KIRREL3: variants seen among roughly 807,000 people sequenced by gnomAD.
KIRREL3 encodes kin of IRRE-like protein 3.
In KIRREL3, 36 loss-of-function variants were observed where a neutral mutation model predicts 89.7. The ratio of observed to expected loss-of-function variants is 0.40; its 90% CI spans 0.31 to 0.53. KIRREL3 has a LOEUF of 0.53. KIRREL3 is among the 20% of genes least tolerant of loss of function. The probability of loss-of-function intolerance (pLI) is 0.49; values close to 1 mark genes in which losing one functional copy is unlikely to be tolerated. For missense variants in KIRREL3, 864 were observed against 1,056.6 expected, an observed-to-expected ratio of 0.82 and a Z score of 2.53; for synonymous variants, 445 against 441.4, an observed-to-expected ratio of 1.01 and a Z score of -0.10.
chr11:126,654,005 C>G (rs150745010), intron 1 of KIRREL3, among the ~76,000 whole-genome samples: 1 of 152,190 alleles, frequency 6.6e-6, no homozygotes, highest in South Asian at 2.1e-4. Context: ...TCAGTCACAG[C>G]GAGGCCACAG....
intron 7 of KIRREL3, among the ~76,000 whole-genome samples, chr11:126,449,516 T>A (rs1456907705): frequency 6.6e-6 from 1 of 152,224 alleles, no homozygotes; most frequent in Non-Finnish European, 1.5e-5. Flanking sequence ...CAGCTCGCTG[T>A]CCTGCTCTGA....
rs985430063 is a variant in KIRREL3 at position 126,551,892 on chromosome 11, C to T, written c.133+10943G>A. 2.0e-5 allele frequency among the ~76,000 whole-genome samples: 3 copies of T among 152,170 alleles called. No homozygotes were observed. The highest frequency in any genetic ancestry group is 6.5e-5 in the Admixed American group (1 of 15,290). On this transcript the variant is annotated intron_variant, in intron 2 of 16. Coordinates refer to ENST00000525144, the MANE Select transcript of KIRREL3 (RefSeq NM_032531.4). This position sits in a 1 kb window ranked among gnomAD's most constrained non-coding sequence, Gnocchi z 4.9. ...AACTCCTGACCTCAGGTGATCCACC[C>T]GCCTTGGCCTCCCAAAGTGCTGGGA...
At chr11:126,745,152 G>T (rs1445404877) in intron 1 of KIRREL3, among the ~76,000 whole-genome samples, 1 of 152,068 alleles carries the variant, frequency 6.6e-6, no homozygotes, top group African/African-American at 2.4e-5. Flanking sequence ...TAGTCTCCCG[G>T]CCACACATAC....
At chr11:126,938,456 C>G (rs1405302707) in intron 1 of KIRREL3, among the ~76,000 whole-genome samples, 3 of 152,302 alleles carry the variant, frequency 2.0e-5, no homozygotes, top group African/African-American at 7.2e-5. Context: ...GTAAATTGCT[C>G]AAGATCACAT....
chr11:126,854,212 C>T (rs1263596888), intron 1 of KIRREL3, among the ~76,000 whole-genome samples: 1 of 145,798 alleles, frequency 6.9e-6, no homozygotes, highest in African/African-American at 2.6e-5. Context: ...GTTGATACTT[C>T]TTTTTAAAAA....
At chr11:126,518,416 CT>C (rs895705246) in intron 4 of KIRREL3, among the ~76,000 whole-genome samples, 2 of 152,238 alleles carry the variant, frequency 1.3e-5, no homozygotes, top group Non-Finnish European at 2.9e-5. Flanking sequence ...GGGCCTCCCT[CT>C]GTTCTAGCCA....
In KIRREL3 at chr11:126,602,895, C is replaced by T. The variant is rs568187491; in HGVS notation, c.56-39983G>A. Among the ~76,000 whole-genome samples, 18 of 152,316 alleles carry T rather than the reference C, an allele frequency of 1.2e-4. No individual in the cohort carries two copies. The East Asian group carries it at 2.7e-3, about 23-fold the overall frequency. On this transcript the variant is annotated intron_variant, in intron 1 of 16. Transcript: ENST00000525144. ...ATGGTAGGGTCAGCTCAGGAAAGCACAGCAGGGCAAGGGGCAGGTAGGCCT... is the reference window on the plus strand; with the variant it reads ...ATGGTAGGGTCAGCTCAGGAAAGCATAGCAGGGCAAGGGGCAGGTAGGCCT...
rs1949924144 is a variant in KIRREL3 at position 126,768,691 on chromosome 11, G to C, written c.56-205779C>G. Among the ~76,000 whole-genome samples, 1 of 152,152 alleles carries C rather than the reference G, an allele frequency of 6.6e-6. No individual in the cohort carries two copies. The highest frequency in any genetic ancestry group is 2.4e-5 in the African/African-American group (1 of 41,412). ...AGAGCCCATCCCTCAAAATGAGAAA[G>C]AGAGTTCCAAGCAGCTGGAAGAGCA... On this transcript the variant is annotated intron_variant, in intron 1 of 16. Transcript: ENST00000525144. This position sits in a 1 kb window ranked among gnomAD's most constrained non-coding sequence, Gnocchi z 4.5.
In KIRREL3 at chr11:126,898,839, T is replaced by C. The variant is rs188932714; in HGVS notation, c.55+101616A>G. On this transcript the variant is annotated intron_variant, in intron 1 of 16. Coordinates refer to ENST00000525144, the MANE Select transcript of KIRREL3 (RefSeq NM_032531.4). The surrounding 1 kb of genome is among the most constrained non-coding windows in gnomAD (Gnocchi z 4.9). ...TCAAGTCTTTGCAGCTTATATTCAA[T>C]TTAAAAAATAGCACATAACTTAGAA... 7.2e-5 allele frequency among the ~76,000 whole-genome samples: 11 copies of C among 152,240 alleles called. No individual in the cohort carries two copies. The East Asian group carries it at 2.1e-3, about 29-fold the overall frequency.
chr11:126,998,001 G>A (rs1172509547), intron 1 of KIRREL3, among the ~76,000 whole-genome samples: 1 of 152,096 alleles, frequency 6.6e-6, no homozygotes, highest in Non-Finnish European at 1.5e-5. Flanking sequence ...GTGCCGGGTG[G>A]GGGGGTGTAA....
chr11:126,761,044 T>C lies in KIRREL3; in HGVS notation c.56-198132A>G, dbSNP rs1949653067. ...AAGAGGGAAGATGAAGCCCAGTTGC[T>C]CTATGCATTCTTTACTGCTGGACCA... On this transcript the variant is annotated intron_variant, in intron 1 of 16. Coordinates refer to ENST00000525144, the MANE Select transcript of KIRREL3 (RefSeq NM_032531.4). The surrounding 1 kb of genome is among the most constrained non-coding windows in gnomAD (Gnocchi z 4.4). 6.6e-6 allele frequency among the ~76,000 whole-genome samples: 1 copy of C among 152,184 alleles called. No individual in the cohort carries two copies. Among genetic ancestry groups the C allele is most frequent in the South Asian group, 2.1e-4 (1 of 4,834 alleles).
At chr11:126,854,745 C>A (rs750996033) in intron 1 of KIRREL3, among the ~76,000 whole-genome samples, 1 of 152,090 alleles carries the variant, frequency 6.6e-6, no homozygotes, top group Non-Finnish European at 1.5e-5. Context: ...ACCTGGAAGT[C>A]GAATTTCTGG....
chr11:126,648,064 G>T (rs559076814), intron 1 of KIRREL3, among the ~76,000 whole-genome samples: 2 of 152,288 alleles, frequency 1.3e-5, no homozygotes, highest in African/African-American at 4.8e-5. Flanking sequence ...TGCTGTTCTT[G>T]TGATGGTGAG....
chr11:126,762,008 ATCTC>A (rs977333453), intron 1 of KIRREL3, among the ~76,000 whole-genome samples: 1 of 152,000 alleles, frequency 6.6e-6, no homozygotes, highest in Non-Finnish European at 1.5e-5. Flanking sequence ...GTGAAACCCT[ATCTC>A]TACTAAAAAT....
chr11:126,670,574 C>T (rs1181467455), intron 1 of KIRREL3, among the ~76,000 whole-genome samples: 1 of 152,168 alleles, frequency 6.6e-6, no homozygotes, highest in Non-Finnish European at 1.5e-5. Context: ...TGTAAGAAAA[C>T]ACCTAGTAAG....
chr11:126,589,715 G>A (rs1942047007), intron 1 of KIRREL3, among the ~76,000 whole-genome samples: 1 of 152,204 alleles, frequency 6.6e-6, no homozygotes, highest in African/African-American at 2.4e-5. Context: ...CCTATAGGGC[G>A]TGAGTGCAGC....
At chr11:126,757,438 G>C (rs923666094) in intron 1 of KIRREL3, among the ~76,000 whole-genome samples, 1 of 152,134 alleles carries the variant, frequency 6.6e-6, no homozygotes, top group Non-Finnish European at 1.5e-5. Context: ...GAAAATCTTT[G>C]GGCATTTCCT....
intron 1 of KIRREL3, among the ~76,000 whole-genome samples, chr11:126,738,642 T>A (rs1948883075): frequency 6.6e-6 from 1 of 152,228 alleles, no homozygotes; most frequent in South Asian, 2.1e-4. Flanking sequence ...TGCTGAGAAA[T>A]GAGGTTACCA....
At chr11:126,834,742 G>C (rs1943723277) in intron 1 of KIRREL3, among the ~76,000 whole-genome samples, 1 of 152,236 alleles carries the variant, frequency 6.6e-6, no homozygotes, top group Non-Finnish European at 1.5e-5. Context: ...GCATAGAATG[G>C]CACTGCCAAA....
Sources: allele counts gnomAD v4.1 joint callset (sites outside exome capture counted in the v4.1 genomes callset), GRCh38; gene constraint gnomAD v4.1.1; non-coding constraint Gnocchi (gnomAD v3.1); transcripts MANE v1.5; gene names NCBI Gene and HGNC (gene_info 2026-07-23, HGNC 2026-07-21).